GPRC5B: variants seen among roughly 807,000 people sequenced by gnomAD.
GPRC5B encodes the protein G protein-coupled receptor family C group 5 member B.
Under a neutral mutation model 30.1 loss-of-function variants are expected in GPRC5B, and 16 were observed. The ratio of observed to expected loss-of-function variants is 0.53; its 90% CI spans 0.36 to 0.81. GPRC5B has a LOEUF of 0.81. GPRC5B is among the 30% of genes least tolerant of loss of function. GPRC5B has a pLI of 0.01. For synonymous variants in GPRC5B, 241 were observed against 239.5 expected (o/e 1.01, Z -0.06); for missense variants, 428 against 544.7 (o/e 0.79, Z 2.13).
chr16:19,874,260 C>A (rs997354116), intron 1 of GPRC5B, among the ~76,000 whole-genome samples: 2 of 152,120 alleles, frequency 1.3e-5, no homozygotes, highest in African/African-American at 2.4e-5. Context: ...GCAGCCTCAG[C>A]GATGGGCCTA....
At chr16:19,884,250 C>A (rs1485849258) in intron 1 of GPRC5B, among the ~76,000 whole-genome samples, 2 of 150,250 alleles carry the variant, frequency 1.3e-5, no homozygotes. Flanking sequence ...GCCCCCGCGA[C>A]AGGTGCGGCT....
At position 19,858,658 on chromosome 16, in the gene GPRC5B, C is replaced by G; in HGVS notation, c.*1842G>C. On this transcript the variant is annotated 3_prime_UTR_variant, in exon 4 of 4. Coordinates refer to ENST00000300571, the MANE Select transcript of GPRC5B (RefSeq NM_016235.3). ...CGCATGCAACCGCCCCCACCCCCAC[C>G]CCAGGTCCTAGCTTCATTCCCTCCC... 1.9e-6 allele frequency: 1 copy of G among 515,730 alleles called. No homozygotes were observed. The highest frequency in any genetic ancestry group is 3.5e-6 in the Non-Finnish European group (1 of 287,980). 31.9% of individuals were successfully genotyped at this position (515,730 alleles called of 1,614,324 possible).
chr16:19,865,871 T>TA (rs1010341365), intron 2 of GPRC5B, among the ~76,000 whole-genome samples: 1 of 152,104 alleles, frequency 6.6e-6, no homozygotes, highest in African/African-American at 2.4e-5. Context: ...TTGGAGAGCT[T>TA]AAAAAATACC....
intron 1 of GPRC5B, among the ~76,000 whole-genome samples, chr16:19,873,667 C>T (rs2056740344): frequency 6.6e-6 from 1 of 152,164 alleles, no homozygotes; most frequent in African/African-American, 2.4e-5. Context: ...CTATTAGGAC[C>T]TCCATCTTAC....
intron 1 of GPRC5B, among the ~76,000 whole-genome samples, chr16:19,875,204 A>G (rs974368354): frequency 7.4e-4 from 113 of 152,316 alleles, no homozygotes; most frequent in African/African-American, 2.7e-3. Context: ...TCCTTTGCCT[A>G]CTGATGAGAG....
chr16:19,885,123 C>G, upstream of GPRC5B: 3 of 1,033,404 alleles, frequency 2.9e-6, no homozygotes, highest in South Asian at 4.0e-5. The surrounding 1 kb of genome is among the most constrained non-coding windows in gnomAD (Gnocchi z 5.3). Context: ...GTCAGTGCGC[C>G]CGTAAGCAGT....
upstream of GPRC5B, chr16:19,885,112 C>G: frequency 2.1e-6 from 2 of 943,372 alleles, no homozygotes; most frequent in Non-Finnish European, 2.9e-6. This position sits in a 1 kb window ranked among gnomAD's most constrained non-coding sequence, Gnocchi z 5.3. Flanking sequence ...CCCCCCACAA[C>G]GTCAGTGCGC....
chr16:19,861,081 T>C (rs2056618000), intron 3 of GPRC5B, among the ~76,000 whole-genome samples: 1 of 37,946 alleles, frequency 2.6e-5, no homozygotes, highest in South Asian at 1.1e-3. Flanking sequence ...CCATCCCTGA[T>C]TTACATAAAA....
chr16:19,860,691 A>G (rs2056614025), intron 3 of GPRC5B, 147 bp from the exon 4 acceptor site: 4 of 590,578 alleles, frequency 6.8e-6, no homozygotes, highest in African/African-American at 1.9e-5. Flanking sequence ...GGCAGCAATG[A>G]CTGTGAGTCA....
intron 2 of GPRC5B, among the ~76,000 whole-genome samples, chr16:19,870,676 T>C (rs2056709605): frequency 6.6e-6 from 1 of 152,224 alleles, no homozygotes; most frequent in Non-Finnish European, 1.5e-5. Context: ...GCACATGGGT[T>C]GAAGACTCAA....
In GPRC5B at chr16:19,860,310, G is replaced by A; in HGVS notation, c.*190C>T. On this transcript the variant is annotated 3_prime_UTR_variant, in exon 4 of 4. Coordinates refer to ENST00000300571, the MANE Select transcript of GPRC5B (RefSeq NM_016235.3). Reference sequence around the variant, plus strand: ...TGTGTGTGTGGCAGGGGAGGGGCGGGCAGTCGGTGTTAGCTTTTCAGTTCG... The same window carrying A: ...TGTGTGTGTGGCAGGGGAGGGGCGGACAGTCGGTGTTAGCTTTTCAGTTCG... The A allele has an allele frequency of 1.7e-6, 1 of 578,996 alleles. No individual in the cohort carries two copies. The highest frequency in any genetic ancestry group is 3.0e-5 in the Admixed American group (1 of 32,866). 35.9% of individuals were successfully genotyped at this position (578,996 alleles called of 1,614,324 possible). A position where few individuals can be genotyped will look rare whatever the true frequency, so the allele number is the denominator to read the frequency against.
chr16:19,858,426 C>T lies in GPRC5B; in HGVS notation c.*2074G>A. On this transcript the variant is annotated 3_prime_UTR_variant, in exon 4 of 4. Transcript: ENST00000300571. ...TTCCATGGCAGCCATTTGTGCTGTG[C>T]TCACCTTATATGCTTGGACAATAAA... The T allele has an allele frequency of 1.7e-6, 1 of 605,602 alleles. No individual in the cohort carries two copies. The highest frequency in any genetic ancestry group is 2.0e-5 in the South Asian group (1 of 49,876). The allele number at this position is 605,602 out of a possible 1,614,324, so 37.5% of individuals were successfully genotyped here.
chr16:19,878,659 A>G (rs990165397), intron 1 of GPRC5B, among the ~76,000 whole-genome samples: 1 of 151,708 alleles, frequency 6.6e-6, no homozygotes, highest in African/African-American at 2.4e-5. Flanking sequence ...CCCAACCCCT[A>G]CCTCATGCCC....
intron 1 of GPRC5B, among the ~76,000 whole-genome samples, chr16:19,875,276 C>T (rs1265809110): frequency 6.6e-6 from 1 of 152,240 alleles, no homozygotes; most frequent in Non-Finnish European, 1.5e-5. Flanking sequence ...TGCTCAGGTA[C>T]CTTCCGGGGT....
intron 1 of GPRC5B, among the ~76,000 whole-genome samples, chr16:19,884,092 G>A (rs933715313): frequency 2.0e-5 from 1 of 49,988 alleles, no homozygotes; most frequent in African/African-American, 8.9e-5. Context: ...TGCCCCCCCC[G>A]CCATTGTATG....
upstream of GPRC5B, chr16:19,885,099 A>C: frequency 1.2e-6 from 1 of 867,872 alleles, no homozygotes; most frequent in Middle Eastern, 2.7e-4. This position sits in a 1 kb window ranked among gnomAD's most constrained non-coding sequence, Gnocchi z 5.3. Flanking sequence ...ATTCGGGGAC[A>C]TTCCCCCCAC....
At chr16:19,867,277 T>C (rs575388131) in intron 2 of GPRC5B, among the ~76,000 whole-genome samples, 1 of 152,332 alleles carries the variant, frequency 6.6e-6, no homozygotes, top group Admixed American at 6.5e-5. Context: ...GGGTTCAAAC[T>C]CTTGGCTCTG....
intron 1 of GPRC5B, among the ~76,000 whole-genome samples, chr16:19,883,678 G>A (rs1251017656): frequency 1.3e-5 from 2 of 152,240 alleles, no homozygotes; most frequent in Non-Finnish European, 2.9e-5. Context: ...GGCCCCAGGC[G>A]GGGACGCCGC....
intron 2 of GPRC5B, among the ~76,000 whole-genome samples, chr16:19,869,487 C>G (rs1056020343): frequency 8.5e-5 from 13 of 152,154 alleles, no homozygotes; most frequent in Middle Eastern, 6.8e-3. Context: ...TATTTAATCT[C>G]AAGTGCTGGG....
Sources: allele counts gnomAD v4.1 joint callset (sites outside exome capture counted in the v4.1 genomes callset), GRCh38; gene constraint gnomAD v4.1.1; non-coding constraint Gnocchi (gnomAD v3.1); transcripts MANE v1.5; gene names NCBI Gene and HGNC (gene_info 2026-07-23, HGNC 2026-07-21).